Variants in OSBPL10 observed in about 807,000 individuals in gnomAD.
OSBPL10 encodes the protein oxysterol binding protein like 10, also known as oxysterol-binding protein-related protein 10.
In OSBPL10, 49 loss-of-function variants were observed where a neutral mutation model predicts 81.7. The ratio of observed to expected loss-of-function variants is 0.60; its 90% CI spans 0.48 to 0.76. The LOEUF is 0.76. OSBPL10 is among the 30% of genes least tolerant of loss of function. The pLI is 0.00. For synonymous variants in OSBPL10, 419 were observed against 383.6 expected, an observed-to-expected ratio of 1.09 and a Z score of -1.08; for missense variants, 923 against 987.8, an observed-to-expected ratio of 0.93 and a Z score of 0.88.
Position 31,668,637 on chromosome 3 carries a change from C to A in OSBPL10, c.2096+5G>T. 6.2e-7 allele frequency: 1 copy of A among 1,607,604 alleles called. No homozygotes were observed. The highest frequency in any genetic ancestry group is 8.5e-7 in the Non-Finnish European group (1 of 1,176,242). ...CTGGAGAGGAAGACACAGCCCGGTTCTCACCTGGACTCCATGGGTCCCTGC... is the reference window on the plus strand; with the variant it reads ...CTGGAGAGGAAGACACAGCCCGGTTATCACCTGGACTCCATGGGTCCCTGC... On this transcript the variant is annotated splice_donor_5th_base_variant and intron_variant, in intron 10 of 11. Coordinates refer to ENST00000396556, the MANE Select transcript of OSBPL10 (RefSeq NM_017784.5).
chr3:31,952,687 C>A (rs1269691142), intron 1 of OSBPL10, among the ~76,000 whole-genome samples: 2 of 152,234 alleles, frequency 1.3e-5, no homozygotes, highest in Non-Finnish European at 2.9e-5. Flanking sequence ...TGGAATCAGA[C>A]TGACCTGTGT....
chr3:31,945,093 G>A (rs1484664835), intron 1 of OSBPL10, among the ~76,000 whole-genome samples: 1 of 140,564 alleles, frequency 7.1e-6, no homozygotes, highest in Non-Finnish European at 1.5e-5. Flanking sequence ...AGAGGTTGCA[G>A]TGAACCAAGA....
At chr3:32,035,062 A>T (rs1215683235) in intron 2 of OSBPL10, among the ~76,000 whole-genome samples, 2 of 152,208 alleles carry the variant, frequency 1.3e-5, no homozygotes. Context: ...ACACTCAGAC[A>T]TTCACATCAC....
At chr3:31,938,123 T>C (rs980101637) in intron 1 of OSBPL10, among the ~76,000 whole-genome samples, 1 of 152,138 alleles carries the variant, frequency 6.6e-6, no homozygotes, top group Non-Finnish European at 1.5e-5. Context: ...CTGAGATCTC[T>C]CATGCCACCT....
chr3:31,820,895 C>A (rs1354142945), intron 4 of OSBPL10, among the ~76,000 whole-genome samples: 2 of 152,110 alleles, frequency 1.3e-5, no homozygotes, highest in East Asian at 1.9e-4. Flanking sequence ...CTCATTTACT[C>A]AAATTTTTGC....
chr3:31,878,570 T>C (rs1049333911), intron 2 of OSBPL10, among the ~76,000 whole-genome samples: 1 of 152,190 alleles, frequency 6.6e-6, no homozygotes, highest in Admixed American at 6.5e-5. Flanking sequence ...TCTTGGGTAG[T>C]GAAGCTTGGC....
At chr3:32,028,022 G>A (rs1283228311) in intron 2 of OSBPL10, among the ~76,000 whole-genome samples, 4 of 152,158 alleles carry the variant, frequency 2.6e-5, no homozygotes, top group Non-Finnish European at 5.9e-5. Flanking sequence ...AGTGCCACCT[G>A]GAAATGAGGA....
chr3:31,716,040 C>A (rs150207075), intron 6 of OSBPL10, among the ~76,000 whole-genome samples: 2 of 152,044 alleles, frequency 1.3e-5, no homozygotes, highest in Non-Finnish European at 2.9e-5. Flanking sequence ...AGAGTGGCAG[C>A]GGGAAAGGCT....
intron 7 of OSBPL10, among the ~76,000 whole-genome samples, chr3:31,687,782 G>C (rs1382345268): frequency 6.6e-6 from 1 of 152,124 alleles, no homozygotes; most frequent in Non-Finnish European, 1.5e-5. Flanking sequence ...GGATTAAGAA[G>C]AGGGGGAAGA....
intron 2 of OSBPL10, among the ~76,000 whole-genome samples, chr3:32,041,811 C>A (rs1699578814): frequency 6.6e-6 from 1 of 152,154 alleles, no homozygotes; most frequent in East Asian, 1.9e-4. Context: ...GCATGTGCCA[C>A]CACACCCAGC....
chr3:31,862,388 C>T (rs778652016), intron 3 of OSBPL10, among the ~76,000 whole-genome samples: 2 of 152,098 alleles, frequency 1.3e-5, no homozygotes, highest in Non-Finnish European at 2.9e-5. Flanking sequence ...CCAAAATAAA[C>T]ATATCCTGCA....
chr3:31,992,959 T>C (rs1455886430), intron 2 of OSBPL10, among the ~76,000 whole-genome samples: 1 of 152,090 alleles, frequency 6.6e-6, no homozygotes, highest in Admixed American at 6.5e-5. Flanking sequence ...GCTGTGATCA[T>C]GCCACTGCAC....
intron 7 of OSBPL10, among the ~76,000 whole-genome samples, chr3:31,687,893 A>AAATAATAATAAT (rs34327662): frequency 2.0e-3 from 290 of 143,858 alleles, no homozygotes; most frequent in African/African-American, 6.3e-3. Context: ...CCATCACTAC[A>AAATAATAATAAT]AATAATAATA....
chr3:31,698,737 A>G (rs566601982), intron 7 of OSBPL10, among the ~76,000 whole-genome samples: 2 of 152,216 alleles, frequency 1.3e-5, no homozygotes, highest in Non-Finnish European at 2.9e-5. Context: ...AGATGCTCAC[A>G]TGGCTGGCTC....
chr3:31,945,752 T>C (rs953114114), intron 1 of OSBPL10, among the ~76,000 whole-genome samples: 3 of 152,182 alleles, frequency 2.0e-5, no homozygotes, highest in African/African-American at 7.2e-5. Context: ...ATACTGCTTT[T>C]CTGACACCCT....
chr3:31,916,248 A>C (rs900555072), intron 1 of OSBPL10, among the ~76,000 whole-genome samples: 3 of 152,224 alleles, frequency 2.0e-5, no homozygotes, highest in Admixed American at 6.5e-5. Flanking sequence ...TGGCTTCTAC[A>C]TTCTAGAACC....
At chr3:31,695,420 C>G (rs1695686534) in intron 7 of OSBPL10, among the ~76,000 whole-genome samples, 2 of 152,142 alleles carry the variant, frequency 1.3e-5, no homozygotes, top group Non-Finnish European at 2.9e-5. Context: ...GTCTTACCAG[C>G]ACCTTTGACC....
At chr3:31,830,409 C>T (rs1575571846) in intron 3 of OSBPL10, among the ~76,000 whole-genome samples, 178 bp from the exon 4 acceptor site, 1 of 152,168 alleles carries the variant, frequency 6.6e-6, no homozygotes, top group Admixed American at 6.5e-5. Context: ...CACTGAACTG[C>T]CCTTCCTTAG....
chr3:31,683,927 G>T lies in OSBPL10; in HGVS notation c.1433C>A (p.Pro478His). 1 of 1,614,230 alleles carries T rather than the reference G, an allele frequency of 6.2e-7. No individual in the cohort carries two copies. The highest frequency in any genetic ancestry group is 8.5e-7 in the Non-Finnish European group (1 of 1,180,058). The change falls in exon 8 of 12, where the codon CCC becomes CAC. Residue 478 changes from proline to histidine, a missense_variant. Pro to His is a moderately conservative substitution (Grantham distance 77). Around this residue, in one of 3 missense-constraint regions of OSBPL10, gnomAD observed 387 missense variants for 436.3 expected, o/e 0.89. Coordinates refer to ENST00000396556, the MANE Select transcript of OSBPL10 (RefSeq NM_017784.5). ...TGTCTCGCCTATGATGGGGTTGTAG[G>T]GCTTCTTGGCTAAAGCGCCCTTGCG... The part of the protein sequence containing the change: ...EGRKGALAKK[P>H]YNPIIGETFH...
Sources: allele counts gnomAD v4.1 joint callset (sites outside exome capture counted in the v4.1 genomes callset), GRCh38; gene constraint gnomAD v4.1.1; regional missense constraint gnomAD v4.1.1; transcripts MANE v1.5; gene names NCBI Gene and HGNC (gene_info 2026-07-23, HGNC 2026-07-21).